Variants in PLEKHG1 observed in about 807,000 individuals in gnomAD.
The protein encoded by PLEKHG1 is pleckstrin homology domain-containing family G member 1.
PLEKHG1 carries 44 observed loss-of-function variants against 100.8 expected under a neutral mutation model. The ratio of observed to expected loss-of-function variants is 0.44; its 90% CI spans 0.34 to 0.56. The LOEUF (loss-of-function observed/expected upper bound fraction) is 0.56, where lower values mean the gene tolerates loss of function less well. Ranked by LOEUF, PLEKHG1 falls within the 20% of genes least tolerant of loss-of-function variation. The probability of loss-of-function intolerance (pLI) is 0.01; values close to 1 mark genes in which losing one functional copy is unlikely to be tolerated. For missense variants in PLEKHG1, 1,545 were observed against 1,720.9 expected (o/e 0.90, Z 1.81); for synonymous variants, 640 against 662.5 (o/e 0.97, Z 0.52).
Position 150,763,024 on chromosome 6 carries a change from C to CTTTTTTTTTTTT in PLEKHG1, c.412-5605_412-5594dup, listed in dbSNP as rs60462437. Among the ~76,000 whole-genome samples the CTTTTTTTTTTTT allele has an allele frequency of 4.4e-3, 339 of 76,444 alleles. 25 individuals are homozygous for CTTTTTTTTTTTT. Among genetic ancestry groups the CTTTTTTTTTTTT allele is most frequent in the African/African-American group, 0.01 (147 of 14,444 alleles). The allele number at this position is 76,444 out of a possible 152,430, so 50.2% of individuals were successfully genotyped here. On this transcript the variant is annotated intron_variant, in intron 2 of 15. Coordinates refer to ENST00000358517, the Ensembl canonical transcript of PLEKHG1. ...AGCACCAACAGGAGGGATAAAGCTT[C>CTTTTTTTTTTTT]TTTTTTTTTTTTTTTTTTTTGAGAC...
chr6:150,756,485 G>A (rs190114013), intron 2 of PLEKHG1, among the ~76,000 whole-genome samples: 6 of 152,238 alleles, frequency 3.9e-5, no homozygotes, highest in Non-Finnish European at 7.4e-5. Flanking sequence ...ACCTAATGTC[G>A]CCAGGGTGTA....
chr6:150,665,696 T>C (rs1779371121), intron 3 of PLEKHG1, among the ~76,000 whole-genome samples: 1 of 151,800 alleles, frequency 6.6e-6, no homozygotes, highest in Non-Finnish European at 1.5e-5. Context: ...AGGGGGACTT[T>C]TTTTTTTTCA....
exon 16 of PLEKHG1, chr6:150,840,234 T>C (rs1777452264): frequency 1.2e-6 from 2 of 1,614,180 alleles, no homozygotes; most frequent in South Asian, 2.2e-5. Context: ...TTACAACTCC[T>C]TGGGTCGGAA....
intron 1 of PLEKHG1, among the ~76,000 whole-genome samples, chr6:150,612,057 C>CGCA (rs1582808893): frequency 9.3e-6 from 1 of 107,106 alleles, no homozygotes; most frequent in African/African-American, 3.3e-5. Context: ...CCCCCCCCCC[C>CGCA]CCCTTTTCTA....
At chr6:150,723,253 G>C (rs1781792146) in intron 1 of PLEKHG1, among the ~76,000 whole-genome samples, 1 of 152,124 alleles carries the variant, frequency 6.6e-6, no homozygotes, top group African/African-American at 2.4e-5. Flanking sequence ...GGGGGGTGCA[G>C]AGCCAGGGCA....
chr6:150,780,072 C>T (rs114350442), intron 3 of PLEKHG1, among the ~76,000 whole-genome samples: 1,549 of 152,048 alleles, frequency 0.01, 17 homozygotes, highest in African/African-American at 0.035. Flanking sequence ...AGCACCCCAT[C>T]CTCTACTAAT....
At chr6:150,670,344 A>G (rs781314793) in intron 3 of PLEKHG1, among the ~76,000 whole-genome samples, 2 of 152,136 alleles carry the variant, frequency 1.3e-5, no homozygotes, top group Non-Finnish European at 2.9e-5. Flanking sequence ...ATATTTGTTC[A>G]TATTTTTAAA....
intron 1 of PLEKHG1, among the ~76,000 whole-genome samples, chr6:150,730,503 G>A (rs751851428): frequency 2.6e-5 from 4 of 152,176 alleles, no homozygotes; most frequent in Non-Finnish European, 5.9e-5. Context: ...TGATCTGAAA[G>A]GAGGCAGAGC....
At chr6:150,744,310 G>A (rs144658525) in intron 2 of PLEKHG1, among the ~76,000 whole-genome samples, 8 of 152,188 alleles carry the variant, frequency 5.3e-5, no homozygotes, top group African/African-American at 1.7e-4. Context: ...TCCTAACCTC[G>A]TGATCTGCCT....
At chr6:150,777,709 C>T (rs895221013) in intron 3 of PLEKHG1, among the ~76,000 whole-genome samples, 7 of 147,022 alleles carry the variant, frequency 4.8e-5, no homozygotes, top group East Asian at 2.1e-4. Flanking sequence ...TGCACATGTG[C>T]GGTTGCACAT....
chr6:150,839,916 G>A, exon 16 of PLEKHG1: 2 of 1,613,756 alleles, frequency 1.2e-6, no homozygotes, highest in Non-Finnish European at 1.7e-6. Flanking sequence ...GGATGGCTGG[G>A]CCAGCCCTCA....
At chr6:150,841,859 T>A (rs1273774115) in exon 16 of PLEKHG1, 1 of 152,232 alleles carries the variant, frequency 6.6e-6, no homozygotes, top group African/African-American at 2.4e-5. Context: ...ACATGCACCC[T>A]CCTGAGTTTG....
At chr6:150,690,310 C>T (rs1327017378) in intron 3 of PLEKHG1, among the ~76,000 whole-genome samples, 1 of 151,878 alleles carries the variant, frequency 6.6e-6, no homozygotes, top group Non-Finnish European at 1.5e-5. Context: ...GTGCGCCCAT[C>T]ACCCAAGCAG....
At chr6:150,620,706 A>G (rs1167886166) in intron 1 of PLEKHG1, among the ~76,000 whole-genome samples, 1 of 152,178 alleles carries the variant, frequency 6.6e-6, no homozygotes, top group East Asian at 1.9e-4. Context: ...AAATATCTCT[A>G]TACCCGTTTT....
At chr6:150,814,369 G>T (rs749057189) in intron 10 of PLEKHG1, among the ~76,000 whole-genome samples, 15 of 152,240 alleles carry the variant, frequency 9.9e-5, no homozygotes, top group Non-Finnish European at 1.3e-4. Flanking sequence ...GCCTCAGGAA[G>T]TTCCCTTTAA....
chr6:150,665,140 G>A (rs1393958475), intron 3 of PLEKHG1, among the ~76,000 whole-genome samples: 3 of 152,096 alleles, frequency 2.0e-5, no homozygotes, highest in Non-Finnish European at 4.4e-5. Context: ...TGAGAAACTG[G>A]GTTCCAGACT....
chr6:150,748,845 G>C lies in PLEKHG1; in HGVS notation c.411+14753G>C, dbSNP rs189939493. ...TTCACCATGTTGGCCAAGCTGGTCT[G>C]GAACTCCTGACCTCAAGTGATTTCA... On this transcript the variant is annotated intron_variant, in intron 2 of 15. Transcript: ENST00000358517. 1.3e-4 allele frequency among the ~76,000 whole-genome samples: 19 copies of C among 151,922 alleles called. No homozygotes were observed. In the East Asian group the frequency reaches 3.5e-3, roughly 28 times the overall value.
At chr6:150,818,513 C>T (rs1776115307) in intron 11 of PLEKHG1, among the ~76,000 whole-genome samples, 1 of 152,204 alleles carries the variant, frequency 6.6e-6, no homozygotes, top group Non-Finnish European at 1.5e-5. Flanking sequence ...CTGCCCCAAC[C>T]TCTACCACCA....
chr6:150,671,312 A>T (rs968035825), intron 3 of PLEKHG1, among the ~76,000 whole-genome samples: 10 of 152,184 alleles, frequency 6.6e-5, no homozygotes, highest in Non-Finnish European at 1.5e-4. Context: ...AGGAATCTCC[A>T]CAGTATTTTC....
Sources: allele counts gnomAD v4.1 joint callset (sites outside exome capture counted in the v4.1 genomes callset), GRCh38; gene constraint gnomAD v4.1.1; transcripts MANE v1.5; gene names NCBI Gene and HGNC (gene_info 2026-07-23, HGNC 2026-07-21).